Variants in NHLRC2 observed in about 807,000 individuals in gnomAD.
NHLRC2 encodes NHL repeat-containing protein 2.
Under a neutral mutation model 68.1 loss-of-function variants are expected in NHLRC2, and 33 were observed. The ratio of observed to expected loss-of-function variants is 0.48; its 90% confidence interval spans 0.37 to 0.65. NHLRC2 has a LOEUF of 0.65. Ranked by LOEUF, NHLRC2 falls within the 30% of genes least tolerant of loss-of-function variation. The probability of loss-of-function intolerance (pLI) is 0.00; values close to 1 mark genes in which losing one functional copy is unlikely to be tolerated. For synonymous variants in NHLRC2, 311 were observed against 309.6 expected (o/e 1.00, Z -0.05); for missense variants, 761 against 853.8 (o/e 0.89, Z 1.35).
chr10:113,891,244 G>A (rs1175257386), intron 5 of NHLRC2, among the ~76,000 whole-genome samples: 1 of 152,158 alleles, frequency 6.6e-6, no homozygotes, highest in Non-Finnish European at 1.5e-5. Flanking sequence ...CTATTTAGGT[G>A]TGTTGACCAC....
chr10:113,902,998 C>G (rs994955074), intron 8 of NHLRC2, among the ~76,000 whole-genome samples: 1 of 152,168 alleles, frequency 6.6e-6, no homozygotes, highest in Non-Finnish European at 1.5e-5. Flanking sequence ...CCATTTTTGT[C>G]TATTAAATTG....
At chr10:113,865,517 G>C (rs538398570) in intron 2 of NHLRC2, among the ~76,000 whole-genome samples, 1 of 150,776 alleles carries the variant, frequency 6.6e-6, no homozygotes, top group Admixed American at 6.6e-5. Context: ...GGAAAAGCAC[G>C]AGAAATAGTT....
chr10:113,867,188 C>T (rs544275730), intron 2 of NHLRC2, among the ~76,000 whole-genome samples: 4 of 152,308 alleles, frequency 2.6e-5, no homozygotes, highest in African/African-American at 9.6e-5. Context: ...GGTGAAAACC[C>T]TCCCGAAATC....
Position 113,858,046 on chromosome 10 carries a change from CT to C in NHLRC2, c.179-467del, listed in dbSNP as rs529701767. ...TTCATTTACTATTTGATATTTCTTC[CT>C]TTTTTTTTTTTTTTGCCTAAGTGTG... On this transcript the variant is annotated intron_variant, in intron 1 of 10. Coordinates refer to ENST00000369301, the MANE Select transcript of NHLRC2 (RefSeq NM_198514.4). Among the ~76,000 whole-genome samples the C allele has an allele frequency of 6.6e-3, 867 of 131,500 alleles. 1 individual carries two copies. Among genetic ancestry groups the C allele is most frequent in the South Asian group, 0.015 (60 of 4,092 alleles). 86.3% of individuals were successfully genotyped at this position (131,500 alleles called of 152,430 possible).
chr10:113,903,386 T>C (rs1406900691), intron 8 of NHLRC2, 141 bp from the exon 9 acceptor site: 3 of 629,838 alleles, frequency 4.8e-6, no homozygotes, highest in African/African-American at 1.9e-5. Flanking sequence ...CAAGAAAATA[T>C]GGAAATAACT....
chr10:113,890,465 T>C (rs1417819707), intron 5 of NHLRC2, among the ~76,000 whole-genome samples: 1 of 152,172 alleles, frequency 6.6e-6, no homozygotes, highest in Non-Finnish European at 1.5e-5. Context: ...GTTTGATATA[T>C]CTAAGAATTA....
chr10:113,854,944 C>T lies in NHLRC2; in HGVS notation c.72C>T (p.Ala24=), dbSNP rs1589531751. ...LLPAQTSLEY[A]LLDAVTQQEK... ...CCGCGCAGACCTCGCTAGAGTACGC[C>T]CTGCTCGACGCCGTTACCCAGCAGG... The change falls in exon 1 of 11, where the codon GCC becomes GCT. Residue 24 remains alanine (A), a synonymous_variant. Coordinates refer to ENST00000369301, the MANE Select transcript of NHLRC2 (RefSeq NM_198514.4). 1 of 1,555,174 alleles carries T rather than the reference C, an allele frequency of 6.4e-7. No homozygotes were observed. Among genetic ancestry groups the T allele is most frequent in the Non-Finnish European group, 8.7e-7 (1 of 1,148,990 alleles).
chr10:113,901,983 G>C, intron 7 of NHLRC2, 86 bp downstream of exon 7: 1 of 956,334 alleles, frequency 1.0e-6, no homozygotes, highest in Non-Finnish European at 1.6e-6. Context: ...TAAGATTTAA[G>C]AGAGACCATC....
chr10:113,855,395 C>T (rs1051466670), intron 1 of NHLRC2, among the ~76,000 whole-genome samples: 1 of 152,216 alleles, frequency 6.6e-6, no homozygotes. Context: ...TCTGGTTCCC[C>T]AGTGTCTTCT....
At chr10:113,884,495 T>A (rs1846064411) in intron 5 of NHLRC2, 115 bp downstream of exon 5, 1 of 740,158 alleles carries the variant, frequency 1.4e-6, no homozygotes, top group African/African-American at 1.8e-5. Context: ...TTTATACTTT[T>A]ATACCTATGC....
chr10:113,897,307 G>T (rs1173010058), intron 5 of NHLRC2, among the ~76,000 whole-genome samples: 1 of 152,086 alleles, frequency 6.6e-6, no homozygotes, highest in Non-Finnish European at 1.5e-5. Flanking sequence ...TGATCTGTTG[G>T]TAATACATGC....
intron 9 of NHLRC2, 116 bp from the exon 10 acceptor site, chr10:113,904,701 C>A: frequency 4.2e-6 from 3 of 722,084 alleles, no homozygotes; most frequent in South Asian, 1.8e-5. Flanking sequence ...ACTAGAATGG[C>A]GATTAGTTTC....
Position 113,905,045 on chromosome 10 carries a change from A to G in NHLRC2, c.1924+9A>G, listed in dbSNP as rs189899124. ...GTTTCTAACAGCTGAAGGTATGAGT[A>G]TAAGCTTGCAAATACTAATACATCA... On this transcript the variant is annotated intron_variant, in intron 10 of 10. Coordinates refer to ENST00000369301, the MANE Select transcript of NHLRC2 (RefSeq NM_198514.4). 8 of 1,379,206 alleles carry G rather than the reference A, an allele frequency of 5.8e-6. No homozygotes were observed. Among genetic ancestry groups the G allele is most frequent in the Non-Finnish European group, 6.9e-6 (7 of 1,012,732 alleles). 85.4% of individuals were successfully genotyped at this position (1,379,206 alleles called of 1,614,324 possible).
intron 6 of NHLRC2, among the ~76,000 whole-genome samples, chr10:113,899,059 T>C (rs577060830): frequency 1.3e-5 from 2 of 152,126 alleles, no homozygotes; most frequent in Admixed American, 6.6e-5. Context: ...CTCTGTGACC[T>C]CACTGTACCT....
At chr10:113,899,470 G>A (rs987198263) in intron 6 of NHLRC2, among the ~76,000 whole-genome samples, 4 of 152,090 alleles carry the variant, frequency 2.6e-5, no homozygotes, top group African/African-American at 4.8e-5. Context: ...ACATTTAATC[G>A]TTTAGCAAAT....
intron 5 of NHLRC2, among the ~76,000 whole-genome samples, chr10:113,885,896 C>T (rs1002070480): frequency 6.6e-6 from 1 of 151,336 alleles, no homozygotes; most frequent in African/African-American, 2.4e-5. Context: ...GGAAGAGGAG[C>T]AATTAGGTAA....
intron 5 of NHLRC2, among the ~76,000 whole-genome samples, chr10:113,897,014 TG>T (rs1846183913): frequency 6.6e-6 from 1 of 151,832 alleles, no homozygotes; most frequent in African/African-American, 2.4e-5. Context: ...AAAAAAATTT[TG>T]AACCAATAAA....
chr10:113,879,827 C>T (rs1237804861), intron 4 of NHLRC2, 132 bp downstream of exon 4: 2 of 560,758 alleles, frequency 3.6e-6, no homozygotes, highest in South Asian at 2.6e-5. Flanking sequence ...TCTTGAGGTA[C>T]GTACTTTAGT....
Position 113,909,263 on chromosome 10 carries a change from A to G in NHLRC2, c.*727A>G, listed in dbSNP as rs1159093012. The G allele has an allele frequency of 6.6e-6, 1 of 152,196 alleles. No individual in the cohort carries two copies. The highest frequency in any genetic ancestry group is 1.5e-5 in the Non-Finnish European group (1 of 68,020). 9.4% of individuals were successfully genotyped at this position (152,196 alleles called of 1,614,324 possible). On this transcript the variant is annotated 3_prime_UTR_variant, in exon 11 of 11. Coordinates refer to ENST00000369301, the MANE Select transcript of NHLRC2 (RefSeq NM_198514.4). ...CCTTTAACTGTTTTTGAGTGACTAC[A>G]TTACCAGATAATGAATGAGTCCCCA...
Sources: gnomAD v4.1 joint callset for allele counts (sites outside exome capture counted in the v4.1 genomes callset) on GRCh38, gnomAD v4.1.1 for gene constraint, MANE v1.5 for transcripts, NCBI Gene and HGNC (gene_info 2026-07-23, HGNC 2026-07-21) for gene names.